APELA: variants seen among roughly 807,000 people sequenced by gnomAD.
APELA encodes the protein protein Elabela.
chr4:164,890,520 C>T (rs1270484744), intron 2 of APELA, among the ~76,000 whole-genome samples: 2 of 152,132 alleles, frequency 1.3e-5, no homozygotes, highest in African/African-American at 4.8e-5. Flanking sequence ...TTGTAATTAG[C>T]TTTTTTCACT....
At chr4:164,887,984 T>C (rs1180209158) in intron 2 of APELA, among the ~76,000 whole-genome samples, 1 of 152,186 alleles carries the variant, frequency 6.6e-6, no homozygotes, top group Non-Finnish European at 1.5e-5. Context: ...AGCTGGCTAC[T>C]TGGCCTGCAA....
chr4:164,886,598 A>G (rs1730775506), intron 2 of APELA, among the ~76,000 whole-genome samples: 1 of 152,114 alleles, frequency 6.6e-6, no homozygotes. Flanking sequence ...GTGAGCTGTG[A>G]TCATACCACT....
chr4:164,882,578 C>CATT (rs376217375), intron 2 of APELA, among the ~76,000 whole-genome samples: 2,983 of 151,520 alleles, frequency 0.02, 82 homozygotes, highest in African/African-American at 0.067. Flanking sequence ...TCTTTTAATA[C>CATT]ATTATTATTA....
chr4:164,889,616 T>C (rs1003551216), intron 2 of APELA, among the ~76,000 whole-genome samples: 2 of 152,140 alleles, frequency 1.3e-5, no homozygotes, highest in African/African-American at 4.8e-5. Context: ...GTTTGTTACA[T>C]AGGTAAACGT....
intron 2 of APELA, among the ~76,000 whole-genome samples, chr4:164,885,225 G>C (rs1014643906): frequency 6.6e-6 from 1 of 152,020 alleles, no homozygotes; most frequent in African/African-American, 2.4e-5. Flanking sequence ...CCGCCTTTTG[G>C]GCTCAAGCAA....
chr4:164,893,933 A>C (rs1440521354), intron 2 of APELA, among the ~76,000 whole-genome samples: 1 of 151,738 alleles, frequency 6.6e-6, no homozygotes, highest in Non-Finnish European at 1.5e-5. Context: ...CATTAAATGA[A>C]TATTTTCTTG....
At chr4:164,887,542 C>G (rs962473965) in intron 2 of APELA, among the ~76,000 whole-genome samples, 1 of 152,094 alleles carries the variant, frequency 6.6e-6, no homozygotes, top group East Asian at 1.9e-4. Flanking sequence ...GTCCCTGATT[C>G]ATTATTTTGT....
At chr4:164,895,128 G>A (rs1247237872) in intron 2 of APELA, among the ~76,000 whole-genome samples, 2 of 152,182 alleles carry the variant, frequency 1.3e-5, no homozygotes, top group Non-Finnish European at 2.9e-5. Flanking sequence ...GAACTCAGAG[G>A]CAGAGGTTGC....
intron 2 of APELA, among the ~76,000 whole-genome samples, chr4:164,889,560 T>C (rs1730841224): frequency 6.6e-6 from 1 of 152,232 alleles, no homozygotes; most frequent in South Asian, 2.1e-4. Flanking sequence ...GTTATTTTTA[T>C]TTTTATTTTA....
At chr4:164,880,686 A>C (rs1730639495) in intron 2 of APELA, among the ~76,000 whole-genome samples, 1 of 152,254 alleles carries the variant, frequency 6.6e-6, no homozygotes, top group Non-Finnish European at 1.5e-5. Context: ...ATACAAAGAA[A>C]GATACCTTGC....
At chr4:164,891,587 A>T (rs1355322874) in intron 2 of APELA, among the ~76,000 whole-genome samples, 4 of 152,026 alleles carry the variant, frequency 2.6e-5, no homozygotes, top group Non-Finnish European at 4.4e-5. Flanking sequence ...TCATTTTTGA[A>T]TTGTCCATTG....
intron 2 of APELA, among the ~76,000 whole-genome samples, chr4:164,881,944 C>T (rs985265724): frequency 2.0e-5 from 3 of 151,552 alleles, no homozygotes; most frequent in Non-Finnish European, 4.4e-5. Flanking sequence ...GGGGCTGAGG[C>T]CTCCAGGGAG....
chr4:164,884,281 G>A (rs1022297922), intron 2 of APELA, among the ~76,000 whole-genome samples: 28 of 152,076 alleles, frequency 1.8e-4, no homozygotes, highest in South Asian at 4.2e-4. Flanking sequence ...GCTCTCTAGC[G>A]ACCAGCCCAT....
At chr4:164,888,020 C>T (rs1730807005) in intron 2 of APELA, among the ~76,000 whole-genome samples, 1 of 152,240 alleles carries the variant, frequency 6.6e-6, no homozygotes, top group Non-Finnish European at 1.5e-5. Context: ...AATTCCAGGG[C>T]ACCATACTTA....
chr4:164,881,539 T>TG (rs1730654451), intron 2 of APELA, among the ~76,000 whole-genome samples: 1 of 151,716 alleles, frequency 6.6e-6, no homozygotes, highest in South Asian at 2.1e-4. Context: ...CCTTGATTTT[T>TG]TTTTCTCAGA....
chr4:164,882,722 A>G (rs9994377), intron 2 of APELA, among the ~76,000 whole-genome samples: 8,054 of 152,016 alleles, frequency 0.053, 232 homozygotes, highest in South Asian at 0.075. Flanking sequence ...CATTAGGTAT[A>G]TCTCCTAACG....
chr4:164,881,392 C>T (rs1730650280), intron 2 of APELA, among the ~76,000 whole-genome samples: 1 of 152,196 alleles, frequency 6.6e-6, no homozygotes, highest in Middle Eastern at 3.4e-3. Flanking sequence ...GTGTTCAGAC[C>T]TTTAGCTCTT....
chr4:164,887,042 G>A (rs1163683907), intron 2 of APELA, among the ~76,000 whole-genome samples: 1 of 151,954 alleles, frequency 6.6e-6, no homozygotes, highest in East Asian at 1.9e-4. Context: ...TGGCCAAGCG[G>A]GTCTCAAACT....
chr4:164,894,944 G>T (rs1730945440), intron 2 of APELA, among the ~76,000 whole-genome samples: 1 of 152,210 alleles, frequency 6.6e-6, no homozygotes, highest in Non-Finnish European at 1.5e-5. Flanking sequence ...ATGACTGTGA[G>T]ATGTGAAGTG....
Sources: gnomAD v4.1 joint callset for allele counts (sites outside exome capture counted in the v4.1 genomes callset) on GRCh38, gnomAD v4.1.1 for gene constraint, MANE v1.5 for transcripts, NCBI Gene and HGNC (gene_info 2026-07-23, HGNC 2026-07-21) for gene names.